Variants in TBC1D12 observed in about 807,000 individuals in gnomAD.
TBC1D12 encodes TBC1 domain family, member 12.
Under a neutral mutation model 86.7 loss-of-function variants are expected in TBC1D12, and 56 were observed. That is an observed-to-expected ratio of 0.65 (90% CI 0.52 to 0.81). TBC1D12 has a LOEUF of 0.81. TBC1D12 is among the 30% of genes least tolerant of loss of function. The probability of loss-of-function intolerance (pLI) is 0.00; values close to 1 mark genes in which losing one functional copy is unlikely to be tolerated. For synonymous variants in TBC1D12, 421 were observed against 411.7 expected (o/e 1.02, Z -0.27); for missense variants, 1,023 against 1,038.8 (o/e 0.98, Z 0.21).
At chr10:94,416,980 A>G (rs536708024) in intron 1 of TBC1D12, among the ~76,000 whole-genome samples, 16 of 152,144 alleles carry the variant, frequency 1.1e-4, no homozygotes, top group Non-Finnish European at 2.1e-4. Context: ...CTGAGGCAAA[A>G]AGGTTGGGTC....
chr10:94,405,991 G>A (rs978998996), intron 1 of TBC1D12, among the ~76,000 whole-genome samples: 3 of 151,554 alleles, frequency 2.0e-5, no homozygotes, highest in Admixed American at 2.0e-4. Context: ...TTGTATTTTT[G>A]GTAGAGACCA....
At chr10:94,428,546 C>T (rs1011222822) in intron 1 of TBC1D12, among the ~76,000 whole-genome samples, 1 of 152,056 alleles carries the variant, frequency 6.6e-6, no homozygotes, top group Non-Finnish European at 1.5e-5. Flanking sequence ...CTTCATTCAG[C>T]CTCCCAAAGT....
chr10:94,483,119 A>T (rs973072543), intron 3 of TBC1D12, among the ~76,000 whole-genome samples: 5 of 144,660 alleles, frequency 3.5e-5, no homozygotes, highest in African/African-American at 1.3e-4. Flanking sequence ...GGCTCACTGC[A>T]GCCTCCACCT....
At chr10:94,474,269 C>A (rs1024726959) in intron 2 of TBC1D12, among the ~76,000 whole-genome samples, 7 of 151,814 alleles carry the variant, frequency 4.6e-5, no homozygotes, top group Admixed American at 1.3e-4. Context: ...GTACTTCTGT[C>A]TTTCCTTCTC....
intron 2 of TBC1D12, among the ~76,000 whole-genome samples, chr10:94,458,444 A>G (rs1004280114): frequency 2.6e-5 from 4 of 152,196 alleles, no homozygotes; most frequent in Admixed American, 6.5e-5. Context: ...GTTATAAGCA[A>G]CAGAAAATAG....
chr10:94,495,064 C>T (rs2056297548), intron 4 of TBC1D12, among the ~76,000 whole-genome samples: 1 of 151,044 alleles, frequency 6.6e-6, no homozygotes, highest in South Asian at 2.1e-4. Context: ...CACTCTGTCA[C>T]CCAGGCTGGA....
intron 1 of TBC1D12, among the ~76,000 whole-genome samples, chr10:94,404,512 G>A (rs1441111992): frequency 6.6e-6 from 1 of 151,782 alleles, no homozygotes; most frequent in East Asian, 1.9e-4. Flanking sequence ...CAGGCGTGGT[G>A]GCAGGTGCTT....
intron 1 of TBC1D12, among the ~76,000 whole-genome samples, chr10:94,418,238 C>T (rs2134058774): frequency 6.6e-6 from 1 of 152,260 alleles, no homozygotes; most frequent in East Asian, 1.9e-4. Flanking sequence ...TCTCACAAAG[C>T]CCAACAATCT....
At chr10:94,511,278 A>G (rs2056523534) in intron 8 of TBC1D12, among the ~76,000 whole-genome samples, 1 of 151,700 alleles carries the variant, frequency 6.6e-6, no homozygotes, top group African/African-American at 2.4e-5. Context: ...TTGTATTTGT[A>G]GTAGAGATGG....
intron 1 of TBC1D12, among the ~76,000 whole-genome samples, chr10:94,406,214 A>T (rs1205678555): frequency 6.6e-6 from 1 of 152,156 alleles, no homozygotes; most frequent in Non-Finnish European, 1.5e-5. Flanking sequence ...TTTTGATTTA[A>T]TTTGTAAATT....
chr10:94,493,487 T>G (rs754158502), intron 4 of TBC1D12, 40 bp downstream of exon 4: 1 of 1,375,444 alleles, frequency 7.3e-7, no homozygotes, highest in East Asian at 2.3e-5. Flanking sequence ...TTTCTGATTT[T>G]AATAAGAAGA....
Position 94,403,259 on chromosome 10 carries a change from G to C in TBC1D12, c.646G>C (p.Gly216Arg), listed in dbSNP as rs1460980738. ...GGACGCCCAGGAGCCCGAGGGCGCG[G>C]GCAGCGACTCGGGGGACAGCCCCGC... is the stretch of plus-strand genomic sequence containing the variant. ...AADAQEPEGAGSDSGDSPASS... is the reference protein window; with the variant it reads ...AADAQEPEGARSDSGDSPASS... The change falls in exon 1 of 13, where the codon GGC becomes CGC. Residue 216 changes from glycine to arginine, a missense_variant. By Grantham distance (125) the Gly-to-Arg change is moderately radical (BLOSUM62 -2). Around this residue, in one of 2 missense-constraint regions of TBC1D12, gnomAD observed 628 missense variants for 531.1 expected, o/e 1.18. Transcript: ENST00000225235. The C allele has an allele frequency of 6.6e-7, 1 of 1,504,640 alleles. No homozygotes were observed. The highest frequency in any genetic ancestry group is 1.5e-5 in the African/African-American group (1 of 68,544). 93.2% of individuals were successfully genotyped at this position (1,504,640 alleles called of 1,614,324 possible). A position where few individuals can be genotyped will look rare whatever the true frequency, so the allele number is the denominator to read the frequency against.
intron 7 of TBC1D12, chr10:94,508,702 T>G (rs891550231): frequency 2.6e-5 from 4 of 152,138 alleles, no homozygotes; most frequent in Admixed American, 2.6e-4. Context: ...TTTTTAAAAT[T>G]TATTATTATT....
intron 1 of TBC1D12, among the ~76,000 whole-genome samples, chr10:94,415,639 C>CAGG (rs1343571756): frequency 1.3e-5 from 2 of 152,130 alleles, no homozygotes; most frequent in African/African-American, 4.8e-5. Context: ...GAGGCTGAGG[C>CAGG]AGGAGAATGG....
At chr10:94,462,915 G>T (rs1183624680) in intron 2 of TBC1D12, among the ~76,000 whole-genome samples, 1 of 151,938 alleles carries the variant, frequency 6.6e-6, no homozygotes, top group Non-Finnish European at 1.5e-5. Flanking sequence ...ATTGATTTCT[G>T]TTCTTTATTA....
chr10:94,431,028 T>G (rs530443933), intron 1 of TBC1D12, among the ~76,000 whole-genome samples: 3 of 152,142 alleles, frequency 2.0e-5, no homozygotes, highest in African/African-American at 7.2e-5. Flanking sequence ...TAGTGTTGAT[T>G]GGGGTGGAGG....
At chr10:94,432,169 A>G (rs905249793) in intron 1 of TBC1D12, among the ~76,000 whole-genome samples, 3 of 152,164 alleles carry the variant, frequency 2.0e-5, no homozygotes, top group Admixed American at 2.0e-4. Context: ...TCTGTCTTTC[A>G]TTTGAAAAGG....
At chr10:94,469,447 CTTTTTTT>C (rs71031578) in intron 2 of TBC1D12, among the ~76,000 whole-genome samples, 1 of 112,558 alleles carries the variant, frequency 8.9e-6, no homozygotes, top group Non-Finnish European at 1.7e-5. Flanking sequence ...GAGTTTTTTC[CTTTTTTT>C]TTTTTTTTTT....
intron 2 of TBC1D12, among the ~76,000 whole-genome samples, chr10:94,470,876 A>G (rs1307931554): frequency 1.3e-5 from 2 of 151,832 alleles, no homozygotes; most frequent in Non-Finnish European, 2.9e-5. Context: ...CTTTTTTATT[A>G]TTATTACTCT....
Sources: allele counts gnomAD v4.1 joint callset (sites outside exome capture counted in the v4.1 genomes callset), GRCh38; gene constraint gnomAD v4.1.1; regional missense constraint gnomAD v4.1.1; transcripts MANE v1.5; gene names NCBI Gene and HGNC (gene_info 2026-07-23, HGNC 2026-07-21).